AGBL4: variants seen among roughly 807,000 people sequenced by gnomAD.
AGBL4 encodes AGBL carboxypeptidase 4.
A neutral mutation model predicts 66.4 loss-of-function variants in AGBL4; 58 were observed. The ratio of observed to expected loss-of-function variants is 0.87; its 90% CI spans 0.71 to 1.09. The LOEUF (loss-of-function observed/expected upper bound fraction) is 1.09. AGBL4 is among the 50% of genes least tolerant of loss of function. The pLI is 0.00. For synonymous variants in AGBL4, 234 were observed against 222.9 expected, an observed-to-expected ratio of 1.05 and a Z score of -0.44; for missense variants, 579 against 631.0, an observed-to-expected ratio of 0.92 and a Z score of 0.88.
intron 2 of AGBL4, among the ~76,000 whole-genome samples, chr1:49,790,563 T>A (rs753658224): frequency 6.6e-6 from 1 of 152,074 alleles, no homozygotes; most frequent in African/African-American, 2.4e-5. Context: ...ATTAAAAAAA[T>A]TATCAATTGA....
At position 49,522,300 on chromosome 1, in the gene AGBL4, ATGGAGTCT is replaced by A. The variant is rs1014061125; in HGVS notation, c.282+175005_282+175012del. Among the ~76,000 whole-genome samples the A allele has an allele frequency of 3.9e-5, 6 of 152,054 alleles. 1 individual carries two copies. The highest frequency in any genetic ancestry group is 8.8e-5 in the Non-Finnish European group (6 of 68,004). On this transcript the variant is annotated intron_variant, in intron 3 of 13. Transcript: ENST00000371839. ...CTTATGAGTAGGTGGGTATAATAAT[ATGGAGTCT>A]CTGATCCTCTGTATTACCTAATCAA... is the stretch of plus-strand genomic sequence containing the variant.
chr1:48,793,970 G>C (rs1570688745), intron 6 of AGBL4, among the ~76,000 whole-genome samples: 2 of 152,154 alleles, frequency 1.3e-5, no homozygotes, highest in South Asian at 4.1e-4. Flanking sequence ...CTTGTGCTGG[G>C]AGCCAGGGTT....
chr1:49,307,810 T>C (rs971108980), intron 3 of AGBL4, among the ~76,000 whole-genome samples: 1 of 152,138 alleles, frequency 6.6e-6, no homozygotes, highest in Non-Finnish European at 1.5e-5. Flanking sequence ...AGACACATCA[T>C]ATATGTTCAC....
intron 3 of AGBL4, among the ~76,000 whole-genome samples, chr1:49,529,759 T>C (rs1232609926): frequency 6.6e-6 from 1 of 152,060 alleles, no homozygotes; most frequent in Admixed American, 6.5e-5. Context: ...TGTGAAATGC[T>C]CAAGGGTACA....
intron 4 of AGBL4, among the ~76,000 whole-genome samples, chr1:49,209,182 T>A (rs1273413534): frequency 6.6e-6 from 1 of 152,158 alleles, no homozygotes; most frequent in Non-Finnish European, 1.5e-5. Flanking sequence ...TCTAACTTGG[T>A]TAAGAAATTA....
chr1:49,084,803 A>G (rs917815474), intron 4 of AGBL4, among the ~76,000 whole-genome samples: 1 of 152,168 alleles, frequency 6.6e-6, no homozygotes, highest in African/African-American at 2.4e-5. Context: ...ACATCAGATT[A>G]GAGGGGTTCC....
intron 5 of AGBL4, among the ~76,000 whole-genome samples, chr1:48,919,037 A>G (rs540859023): frequency 2.0e-5 from 3 of 152,342 alleles, no homozygotes; most frequent in South Asian, 2.1e-4. Context: ...GAAGCCAGGT[A>G]GGCCACTGGA....
chr1:49,279,333 C>G (rs374868998), intron 3 of AGBL4, among the ~76,000 whole-genome samples: 1 of 152,124 alleles, frequency 6.6e-6, no homozygotes, highest in Non-Finnish European at 1.5e-5. Context: ...CAAAGCCAGG[C>G]GCTGTCTTCA....
chr1:49,689,434 T>C (rs1489223321), intron 3 of AGBL4, among the ~76,000 whole-genome samples: 1 of 152,204 alleles, frequency 6.6e-6, no homozygotes, highest in Non-Finnish European at 1.5e-5. Context: ...GGTCTATGTG[T>C]CTGCTTTTAT....
chr1:48,789,873 T>C (rs1238593107), intron 6 of AGBL4, among the ~76,000 whole-genome samples: 2 of 152,166 alleles, frequency 1.3e-5, no homozygotes, highest in Non-Finnish European at 2.9e-5. Flanking sequence ...CATTAAAAGA[T>C]AAAATGTTCA....
intron 3 of AGBL4, among the ~76,000 whole-genome samples, chr1:49,636,850 G>C (rs972268362): frequency 6.6e-6 from 1 of 152,142 alleles, no homozygotes; most frequent in Non-Finnish European, 1.5e-5. Context: ...GTGTCAACTT[G>C]ATTGGATTGA....
chr1:49,587,507 A>G (rs1644673590), intron 3 of AGBL4, among the ~76,000 whole-genome samples: 1 of 152,184 alleles, frequency 6.6e-6, no homozygotes, highest in African/African-American at 2.4e-5. Context: ...ATGTCATTGC[A>G]TAGTATTCAT....
intron 6 of AGBL4, among the ~76,000 whole-genome samples, chr1:48,777,951 C>T (rs1645175030): frequency 6.6e-6 from 1 of 152,124 alleles, no homozygotes; most frequent in South Asian, 2.1e-4. Context: ...GCCGTGAGGA[C>T]CAGCCAAAGG....
intron 3 of AGBL4, among the ~76,000 whole-genome samples, chr1:49,534,168 T>A (rs1651376437): frequency 1.4e-5 from 1 of 72,426 alleles, no homozygotes; most frequent in Admixed American, 2.1e-4. Context: ...CAACACCATT[T>A]TACAAAAAAA....
intron 6 of AGBL4, among the ~76,000 whole-genome samples, chr1:48,715,138 G>T (rs1647029231): frequency 6.6e-6 from 1 of 152,094 alleles, no homozygotes; most frequent in Non-Finnish European, 1.5e-5. Flanking sequence ...GGAAGTGGGG[G>T]TAGCCTGAGG....
chr1:49,965,939 A>AT (rs1166636337), intron 1 of AGBL4, among the ~76,000 whole-genome samples: 8,530 of 136,526 alleles, frequency 0.062, 326 homozygotes, highest in African/African-American at 0.08. Context: ...TATTACAATG[A>AT]TTTTTTTTTT....
intron 1 of AGBL4, among the ~76,000 whole-genome samples, chr1:49,947,732 C>G (rs1655349411): frequency 6.7e-6 from 1 of 150,206 alleles, no homozygotes; most frequent in Non-Finnish European, 1.5e-5. Context: ...GCATCCAAAT[C>G]GGTAAAGAGG....
At chr1:48,729,095 A>T (rs1647677577) in intron 6 of AGBL4, among the ~76,000 whole-genome samples, 1 of 152,022 alleles carries the variant, frequency 6.6e-6, no homozygotes, top group Non-Finnish European at 1.5e-5. Context: ...TAAGGATAAC[A>T]AACTACAGAG....
At chr1:49,720,368 G>T (rs1648503709) in intron 2 of AGBL4, among the ~76,000 whole-genome samples, 1 of 152,016 alleles carries the variant, frequency 6.6e-6, no homozygotes, top group Admixed American at 6.6e-5. Context: ...AACACTTCAG[G>T]TCTCAAACAT....
Sources: gnomAD v4.1 joint callset for allele counts (sites outside exome capture counted in the v4.1 genomes callset) on GRCh38, gnomAD v4.1.1 for gene constraint, MANE v1.5 for transcripts, NCBI Gene and HGNC (gene_info 2026-07-23, HGNC 2026-07-21) for gene names.